Variants in ZBTB16 observed in about 807,000 individuals in gnomAD.
ZBTB16 encodes zinc finger and BTB domain-containing protein 16.
In ZBTB16, 8 loss-of-function variants were observed where a neutral mutation model predicts 56.8. That is an observed-to-expected ratio of 0.14 (90% CI 0.08 to 0.25). The LOEUF (loss-of-function observed/expected upper bound fraction) is 0.25, where lower values mean the gene tolerates loss of function less well. Among genes scored for constraint, ZBTB16 ranks in the 10% least tolerant of loss-of-function variants. The probability of loss-of-function intolerance (pLI) is 1.00; values close to 1 mark genes in which losing one functional copy is unlikely to be tolerated. For synonymous variants in ZBTB16, 363 were observed against 368.5 expected (o/e 0.98, Z 0.17); for missense variants, 625 against 903.0 (o/e 0.69, Z 3.95).
intron 4 of ZBTB16, among the ~76,000 whole-genome samples, chr11:114,230,747 C>T (rs1010839011): frequency 2.0e-5 from 3 of 151,794 alleles, no homozygotes; most frequent in African/African-American, 7.3e-5. Flanking sequence ...TTTTCATTGC[C>T]CAGTGTTTGG....
intron 4 of ZBTB16, among the ~76,000 whole-genome samples, chr11:114,235,680 TTCTTTC>T (rs1944559865): frequency 3.7e-5 from 1 of 26,668 alleles, no homozygotes; most frequent in African/African-American, 9.7e-5. Flanking sequence ...CTTTCTTTCT[TTCTTTC>T]TTTCTTTTCT....
chr11:114,200,393 G>A (rs1257265197), intron 4 of ZBTB16, among the ~76,000 whole-genome samples: 1 of 152,192 alleles, frequency 6.6e-6, no homozygotes, highest in Non-Finnish European at 1.5e-5. Context: ...CTAGAAATTG[G>A]AGGGGAAGGA....
chr11:114,128,335 C>G (rs1397081737), intron 2 of ZBTB16, among the ~76,000 whole-genome samples: 3 of 152,168 alleles, frequency 2.0e-5, no homozygotes, highest in African/African-American at 7.2e-5. Flanking sequence ...GAGCACCTCC[C>G]GGATACGACA....
intron 4 of ZBTB16, among the ~76,000 whole-genome samples, chr11:114,229,806 C>T (rs1168172112): frequency 3.9e-5 from 6 of 152,080 alleles, no homozygotes; most frequent in Non-Finnish European, 8.8e-5. Context: ...TGGGTTTTAG[C>T]TTTTTAGAAG....
chr11:114,174,312 G>GTTTTTTTTT (rs11417322), intron 3 of ZBTB16, among the ~76,000 whole-genome samples: 1 of 145,882 alleles, frequency 6.9e-6, no homozygotes, highest in Non-Finnish European at 1.5e-5. Context: ...TCTGACTGAG[G>GTTTTTTTTT]TTTTTTTTTT....
At chr11:114,229,933 G>A (rs958736316) in intron 4 of ZBTB16, among the ~76,000 whole-genome samples, 1 of 152,174 alleles carries the variant, frequency 6.6e-6, no homozygotes, top group Admixed American at 6.5e-5. Context: ...TGTTCCTTTG[G>A]TTCACCTGGA....
chr11:114,062,395 G>T (rs963352157), intron 1 of ZBTB16, among the ~76,000 whole-genome samples: 1 of 152,060 alleles, frequency 6.6e-6, no homozygotes, highest in African/African-American at 2.4e-5. Flanking sequence ...GAGCCACCGC[G>T]CCCTGCCCCA....
intron 4 of ZBTB16, among the ~76,000 whole-genome samples, chr11:114,196,512 C>T (rs1943615793): frequency 6.6e-6 from 1 of 152,174 alleles, no homozygotes; most frequent in South Asian, 2.1e-4. Context: ...TGGAGGAATT[C>T]AGCTCTCTCC....
chr11:114,108,271 G>C (rs1940871188), intron 2 of ZBTB16, among the ~76,000 whole-genome samples: 1 of 152,130 alleles, frequency 6.6e-6, no homozygotes, highest in African/African-American at 2.4e-5. Context: ...CCGTTAGAAA[G>C]CTGCTCCCGA....
At chr11:114,179,697 G>A (rs1478001365) in intron 3 of ZBTB16, among the ~76,000 whole-genome samples, 4 of 151,974 alleles carry the variant, frequency 2.6e-5, no homozygotes. Context: ...GGTGGGAGAG[G>A]CTTTGGAGAG....
rs566387785 is a variant in ZBTB16, at chr11:114,131,874, T to C, written c.1269-24463T>C. ...CGGCAGAATCTGTCTGGTTTTGGTA[T>C]GATATATGTATCTTGGGGAAAATGG... On this transcript the variant is annotated intron_variant, in intron 2 of 6. Coordinates refer to ENST00000335953, the MANE Select transcript of ZBTB16 (RefSeq NM_006006.6). 3.8e-4 allele frequency among the ~76,000 whole-genome samples: 58 copies of C among 152,312 alleles called. 1 individual carries two copies. The East Asian group carries it at 9.8e-3, about 26-fold the overall frequency.
chr11:114,247,870 A>C (rs770636960), intron 6 of ZBTB16, among the ~76,000 whole-genome samples: 1 of 151,348 alleles, frequency 6.6e-6, no homozygotes, highest in Non-Finnish European at 1.5e-5. Flanking sequence ...CCCTATATGC[A>C]TATGATGTTT....
At chr11:114,163,257 A>G (rs1302360116) in intron 3 of ZBTB16, among the ~76,000 whole-genome samples, 1 of 123,298 alleles carries the variant, frequency 8.1e-6, no homozygotes, top group Non-Finnish European at 1.6e-5. Context: ...AACTGAGACC[A>G]GAAGAATATG....
At chr11:114,151,597 C>T (rs1229024484) in intron 2 of ZBTB16, among the ~76,000 whole-genome samples, 1 of 152,214 alleles carries the variant, frequency 6.6e-6, no homozygotes, top group East Asian at 1.9e-4. Context: ...CTAAACCTTC[C>T]CTGCCTGTTG....
chr11:114,224,060 G>A (rs950966307), intron 4 of ZBTB16, among the ~76,000 whole-genome samples: 2 of 152,142 alleles, frequency 1.3e-5, no homozygotes, highest in African/African-American at 2.4e-5. Context: ...GGGACAATAG[G>A]GAAGTAATGA....
At chr11:114,247,825 G>A (rs997030124) in intron 6 of ZBTB16, among the ~76,000 whole-genome samples, 1 of 152,100 alleles carries the variant, frequency 6.6e-6, no homozygotes, top group African/African-American at 2.4e-5. Context: ...ATTGTGTTTG[G>A]TTCTGAGATT....
intron 3 of ZBTB16, among the ~76,000 whole-genome samples, chr11:114,174,810 T>A (rs1261292809): frequency 2.0e-5 from 3 of 152,192 alleles, no homozygotes; most frequent in Non-Finnish European, 4.4e-5. Flanking sequence ...TGAGAGCTTC[T>A]CTTTTCCTGG....
At position 114,063,812 on chromosome 11, in the gene ZBTB16, T is replaced by C. The variant is rs911425305; in HGVS notation, c.512T>C (p.Val171Ala). 3 of 1,614,052 alleles carry C rather than the reference T, an allele frequency of 1.9e-6. No homozygotes were observed. The African/African-American group carries it at 4.0e-5, about 22-fold the overall frequency. ...HSSEESGYAS[V>A]AGQSLPGPMV... is the part of the protein sequence containing the mutation. ...AGCGAGGAGAGTGGGTATGCCAGTG[T>C]GGCTGGACAGAGCCTCCCTGGGCCC... The change falls in exon 2 of 7, where the codon GTG (valine) becomes GCG (alanine). Residue 171 changes from valine to alanine, a missense_variant. By Grantham distance (64) the Val-to-Ala change is moderately conservative. This residue lies in a region of ZBTB16 where 384 missense variants were observed against 393.5 expected (regional missense o/e 0.98). Coordinates refer to ENST00000335953, the MANE Select transcript of ZBTB16 (RefSeq NM_006006.6). This position sits in a 1 kb window ranked among gnomAD's most constrained non-coding sequence, Gnocchi z 6.5.
chr11:114,236,845 T>C (rs928200488), intron 4 of ZBTB16, among the ~76,000 whole-genome samples: 1 of 152,196 alleles, frequency 6.6e-6, no homozygotes, highest in African/African-American at 2.4e-5. Flanking sequence ...TATAATCTAT[T>C]AGGCAGAGCT....
Sources: gnomAD v4.1 joint callset for allele counts (sites outside exome capture counted in the v4.1 genomes callset) on GRCh38, gnomAD v4.1.1 for gene constraint, gnomAD v4.1.1 regional missense constraint, Gnocchi (gnomAD v3.1) non-coding constraint, MANE v1.5 for transcripts, NCBI Gene and HGNC (gene_info 2026-07-23, HGNC 2026-07-21) for gene names.